Variants in TBC1D22A observed in about 807,000 individuals in gnomAD.
TBC1D22A encodes TBC1 domain family member 22A.
TBC1D22A carries 38 observed loss-of-function variants against 60.2 expected under a neutral mutation model. The observed-to-expected ratio is 0.63, with a 90% CI of 0.49 to 0.83. The LOEUF (loss-of-function observed/expected upper bound fraction) is 0.83, where lower values mean the gene tolerates loss of function less well. Ranked by LOEUF, TBC1D22A falls within the 40% of genes least tolerant of loss-of-function variation. The probability of loss-of-function intolerance (pLI) is 0.00; values close to 1 mark genes in which losing one functional copy is unlikely to be tolerated. For missense variants in TBC1D22A, 628 were observed against 701.0 expected, an observed-to-expected ratio of 0.90 and a Z score of 1.18; for synonymous variants, 302 against 281.7, an observed-to-expected ratio of 1.07 and a Z score of -0.72.
At chr22:46,988,695 G>A (rs868547072) in intron 9 of TBC1D22A, among the ~76,000 whole-genome samples, 1 of 152,184 alleles carries the variant, frequency 6.6e-6, no homozygotes, top group African/African-American at 2.4e-5. Flanking sequence ...TGTCATCCAG[G>A]TTTTGTTGTT....
intron 12 of TBC1D22A, among the ~76,000 whole-genome samples, chr22:47,135,308 TCC>T (rs1178059164): frequency 6.6e-6 from 1 of 152,168 alleles, no homozygotes; most frequent in Non-Finnish European, 1.5e-5. Flanking sequence ...CTTCGCTGAT[TCC>T]TTCATTTAGC....
intron 11 of TBC1D22A, among the ~76,000 whole-genome samples, chr22:47,076,396 CACACACACACACAT>C (rs1285372178): frequency 1.0e-4 from 10 of 95,834 alleles, no homozygotes; most frequent in East Asian, 4.5e-4. Context: ...CACACACACA[CACACACACACACAT>C]ATATATATAT....
intron 10 of TBC1D22A, among the ~76,000 whole-genome samples, chr22:47,006,231 G>A (rs965519381): frequency 1.3e-5 from 2 of 152,186 alleles, no homozygotes; most frequent in African/African-American, 4.8e-5. Flanking sequence ...TATTGTTGGT[G>A]GCCAAGGACT....
intron 8 of TBC1D22A, among the ~76,000 whole-genome samples, chr22:46,933,852 G>C (rs1346945642): frequency 1.3e-5 from 2 of 152,222 alleles, no homozygotes; most frequent in Non-Finnish European, 2.9e-5. Flanking sequence ...GGGAAACACA[G>C]CTTTAGTGTG....
chr22:46,784,628 G>A (rs979756313), intron 1 of TBC1D22A, among the ~76,000 whole-genome samples: 3 of 152,230 alleles, frequency 2.0e-5, no homozygotes, highest in African/African-American at 7.2e-5. Flanking sequence ...GGAAAAGCCT[G>A]TGGCCTGTGA....
At chr22:47,151,204 A>G (rs1817419709) in intron 12 of TBC1D22A, among the ~76,000 whole-genome samples, 1 of 152,154 alleles carries the variant, frequency 6.6e-6, no homozygotes, top group Non-Finnish European at 1.5e-5. Context: ...GTTGATCTGA[A>G]CACACTTTTA....
chr22:47,156,088 TC>T (rs2067708055), intron 12 of TBC1D22A, among the ~76,000 whole-genome samples: 1 of 152,130 alleles, frequency 6.6e-6, no homozygotes, highest in African/African-American at 2.4e-5. Flanking sequence ...TTTCCTGTCC[TC>T]CCAGATGGCT....
chr22:46,794,769 C>A (rs908254883), intron 3 of TBC1D22A, among the ~76,000 whole-genome samples: 1 of 151,824 alleles, frequency 6.6e-6, no homozygotes, highest in Non-Finnish European at 1.5e-5. Context: ...TCATCTGAAA[C>A]GGGGAGGTCA....
intron 8 of TBC1D22A, among the ~76,000 whole-genome samples, chr22:46,972,473 G>A (rs777371288): frequency 6.6e-6 from 1 of 152,206 alleles, no homozygotes; most frequent in African/African-American, 2.4e-5. Context: ...AGAGGAGTGA[G>A]GCATTGACAC....
At chr22:47,106,657 A>T (rs569476349) in intron 11 of TBC1D22A, among the ~76,000 whole-genome samples, 22 of 152,338 alleles carry the variant, frequency 1.4e-4, no homozygotes, top group African/African-American at 5.1e-4. Context: ...GAAGGATAAT[A>T]ATTTCCAAAG....
intron 7 of TBC1D22A, among the ~76,000 whole-genome samples, chr22:46,896,037 G>A (rs1201830545): frequency 1.3e-5 from 2 of 152,172 alleles, no homozygotes; most frequent in East Asian, 3.9e-4. Context: ...AGTTCTTCAT[G>A]CTGTGGGACT....
chr22:47,135,472 G>A (rs2066832948), intron 12 of TBC1D22A, among the ~76,000 whole-genome samples: 1 of 152,216 alleles, frequency 6.6e-6, no homozygotes, highest in African/African-American at 2.4e-5. Context: ...AGCAGTCGGG[G>A]TAGGGGGAGA....
intron 11 of TBC1D22A, among the ~76,000 whole-genome samples, chr22:47,048,267 C>T (rs1442916080): frequency 6.6e-6 from 1 of 152,112 alleles, no homozygotes; most frequent in Non-Finnish European, 1.5e-5. Flanking sequence ...CTCAGAGCAC[C>T]CCCTTAGCAC....
At chr22:46,984,154 G>T (rs1333560732) in intron 9 of TBC1D22A, among the ~76,000 whole-genome samples, 1 of 151,646 alleles carries the variant, frequency 6.6e-6, no homozygotes, top group Non-Finnish European at 1.5e-5. Context: ...ATCACCTGAG[G>T]TCAGGAGTTC....
intron 1 of TBC1D22A, among the ~76,000 whole-genome samples, chr22:46,767,571 G>A (rs373367563): frequency 1.3e-5 from 2 of 152,284 alleles, no homozygotes; most frequent in Non-Finnish European, 1.5e-5. Context: ...TGGGAGAGCC[G>A]GGTATAAATA....
chr22:46,997,522 G>A (rs1342969752), intron 9 of TBC1D22A, 112 bp from the exon 10 acceptor site: 5 of 782,224 alleles, frequency 6.4e-6, no homozygotes, highest in Admixed American at 4.4e-5. Flanking sequence ...ATCTCTGTTT[G>A]TGAATTCGTC....
intron 10 of TBC1D22A, among the ~76,000 whole-genome samples, chr22:47,033,953 C>T (rs114172733): frequency 0.018 from 2,726 of 152,190 alleles, 67 homozygotes; most frequent in African/African-American, 0.054. Flanking sequence ...CACCTCCTGG[C>T]ACCCCCTTTG....
At chr22:46,880,369 A>G (rs2050358549) in intron 5 of TBC1D22A, among the ~76,000 whole-genome samples, 1 of 152,202 alleles carries the variant, frequency 6.6e-6, no homozygotes, top group African/African-American at 2.4e-5. Context: ...CTTTGAATAA[A>G]ATGGGAGGCA....
At chr22:47,157,356 T>G (rs1288639012) in intron 12 of TBC1D22A, among the ~76,000 whole-genome samples, 1 of 152,232 alleles carries the variant, frequency 6.6e-6, no homozygotes, top group Non-Finnish European at 1.5e-5. Context: ...TGATTCAAGT[T>G]CGTGACTGCA....
Sources: allele counts gnomAD v4.1 joint callset (sites outside exome capture counted in the v4.1 genomes callset), GRCh38; gene constraint gnomAD v4.1.1; transcripts MANE v1.5; gene names NCBI Gene and HGNC (gene_info 2026-07-23, HGNC 2026-07-21).